Variants in NRG1 observed in about 807,000 individuals in gnomAD.
NRG1 encodes the protein pro-neuregulin-1, membrane-bound isoform.
Under a neutral mutation model 63.8 loss-of-function variants are expected in NRG1, and 18 were observed. The observed-to-expected ratio is 0.28, with a 90% CI of 0.19 to 0.42. The LOEUF (loss-of-function observed/expected upper bound fraction) is 0.42. Ranked by LOEUF, NRG1 falls within the 10% of genes least tolerant of loss-of-function variation. The pLI, the probability that NRG1 is intolerant of heterozygous loss-of-function variation, is 1.00. For missense variants in NRG1, 762 were observed against 814.7 expected (o/e 0.94, Z 0.79); for synonymous variants, 302 against 301.3 (o/e 1.00, Z -0.02).
At chr8:32,257,219 G>C (rs897748778) in intron 1 of NRG1, among the ~76,000 whole-genome samples, 1 of 152,088 alleles carries the variant, frequency 6.6e-6, no homozygotes, top group African/African-American at 2.4e-5. Context: ...AGCCTGCTGG[G>C]CTCCATGTGG....
At chr8:31,818,889 C>G (rs567267140) in intron 1 of NRG1, among the ~76,000 whole-genome samples, 1 of 152,208 alleles carries the variant, frequency 6.6e-6, no homozygotes, top group Admixed American at 6.5e-5. Context: ...AACCCTGTCT[C>G]TACTAAAAAT....
chr8:32,243,495 A>G (rs1490609749), intron 1 of NRG1, among the ~76,000 whole-genome samples: 1 of 151,856 alleles, frequency 6.6e-6, no homozygotes, highest in African/African-American at 2.4e-5. Flanking sequence ...AACTCATTTT[A>G]ACTTGATGAG....
rs112860227 is a variant in NRG1, at chr8:32,608,935, A to G, written c.400+3252A>G. Among the ~76,000 whole-genome samples, 125 of 152,304 alleles carry G rather than the reference A, an allele frequency of 8.2e-4. 1 individual carries two copies. Among genetic ancestry groups the G allele is most frequent in the African/African-American group, 2.9e-3 (121 of 41,572 alleles). Reference sequence around the variant, plus strand: ...GTTCCCCAGTGAAATTCCGCAGACCAAGAATCCTATTAGCAAAGTTGATTG... The same window carrying G: ...GTTCCCCAGTGAAATTCCGCAGACCGAGAATCCTATTAGCAAAGTTGATTG... On this transcript the variant is annotated intron_variant, in intron 3 of 11. Coordinates refer to ENST00000356819, the Ensembl canonical transcript of NRG1.
intron 1 of NRG1, among the ~76,000 whole-genome samples, chr8:31,892,263 T>C (rs118118919): frequency 0.012 from 1,770 of 152,270 alleles, 15 homozygotes; most frequent in Admixed American, 0.019. Flanking sequence ...TTAGTTGAAA[T>C]AACAATTTCA....
intron 1 of NRG1, among the ~76,000 whole-genome samples, chr8:32,307,906 C>G (rs1856396953): frequency 6.6e-6 from 1 of 152,190 alleles, no homozygotes; most frequent in Admixed American, 6.5e-5. Flanking sequence ...TGTGCAACCT[C>G]TCCGACACTG....
intron 1 of NRG1, among the ~76,000 whole-genome samples, chr8:31,992,480 T>TGC (rs1811263400): frequency 1.3e-5 from 2 of 152,038 alleles, no homozygotes; most frequent in Admixed American, 6.6e-5. Flanking sequence ...ATGTTAAAAC[T>TGC]AGGAGCCAAA....
At chr8:32,192,791 T>A (rs1228421241) in intron 1 of NRG1, among the ~76,000 whole-genome samples, 1 of 152,090 alleles carries the variant, frequency 6.6e-6, no homozygotes, top group Non-Finnish European at 1.5e-5. Context: ...TTAAAAGGCA[T>A]CTTCAAATGT....
intron 1 of NRG1, among the ~76,000 whole-genome samples, chr8:31,762,687 G>T (rs1011053269): frequency 6.6e-6 from 1 of 152,066 alleles, no homozygotes; most frequent in Non-Finnish European, 1.5e-5. Flanking sequence ...CAGTGATGAG[G>T]TCAGATAATA....
intron 6 of NRG1, among the ~76,000 whole-genome samples, chr8:32,740,006 A>G (rs189245271): frequency 7.0e-4 from 106 of 152,308 alleles, no homozygotes; most frequent in African/African-American, 2.5e-3. Flanking sequence ...GGGTTTGTCT[A>G]TATGAACTTA....
chr8:32,488,431 A>G (rs1454608265), intron 1 of NRG1, among the ~76,000 whole-genome samples: 3 of 152,168 alleles, frequency 2.0e-5, no homozygotes, highest in African/African-American at 4.8e-5. Flanking sequence ...CATTGAAAAG[A>G]GAGGCCATTA....
At chr8:31,882,626 T>C (rs187192344) in intron 1 of NRG1, among the ~76,000 whole-genome samples, 1 of 152,244 alleles carries the variant, frequency 6.6e-6, no homozygotes, top group Admixed American at 6.5e-5. Flanking sequence ...TCATTGTAGA[T>C]GCCGTTAAGA....
chr8:31,996,919 A>G (rs956581936), intron 1 of NRG1, among the ~76,000 whole-genome samples: 1 of 151,838 alleles, frequency 6.6e-6, no homozygotes, highest in African/African-American at 2.4e-5. Flanking sequence ...ATCTCTACTA[A>G]GGGGGGGTGG....
chr8:32,236,151 G>GAA (rs779017335), intron 1 of NRG1, among the ~76,000 whole-genome samples: 9 of 145,988 alleles, frequency 6.2e-5, no homozygotes, highest in African/African-American at 2.2e-4. Context: ...GTGTGTGAAT[G>GAA]TGTGTGTGTG....
intron 1 of NRG1, among the ~76,000 whole-genome samples, chr8:31,739,088 T>A (rs1814995796): frequency 6.6e-6 from 1 of 152,086 alleles, no homozygotes; most frequent in South Asian, 2.1e-4. Flanking sequence ...TGCACCAACA[T>A]AGATGCAAAG....
intron 1 of NRG1, among the ~76,000 whole-genome samples, chr8:31,849,969 T>TAATAA (rs1827056465): frequency 6.6e-6 from 1 of 152,192 alleles, no homozygotes; most frequent in Non-Finnish European, 1.5e-5. Context: ...ATAAATTTTC[T>TAATAA]AATAAAATAA....
chr8:31,814,623 C>G (rs888519063), intron 1 of NRG1, among the ~76,000 whole-genome samples: 5 of 149,368 alleles, frequency 3.3e-5, no homozygotes, highest in Non-Finnish European at 7.4e-5. Flanking sequence ...CCGTGTTTCC[C>G]CTAATAATTA....
chr8:32,268,006 T>G (rs901871176), intron 1 of NRG1, among the ~76,000 whole-genome samples: 6 of 152,170 alleles, frequency 3.9e-5, no homozygotes, highest in Middle Eastern at 3.2e-3. Context: ...TGGCCAGATA[T>G]ATGTGATTCC....
Position 31,908,722 on chromosome 8 carries a change from A to G in NRG1, c.37+269291A>G, listed in dbSNP as rs192320643. On this transcript the variant is annotated intron_variant, in intron 1 of 10. Transcript: ENST00000519301. ...TATTATATCATCAAAATATTGTATAATATCTGTGTATTACTTTTTGTATTA... is the reference window on the plus strand; with the variant it reads ...TATTATATCATCAAAATATTGTATAGTATCTGTGTATTACTTTTTGTATTA... Among the ~76,000 whole-genome samples, 735 of 151,152 alleles carry G rather than the reference A, an allele frequency of 4.9e-3. 2 individuals carry two copies. The highest frequency in any genetic ancestry group is 7.5e-3 in the Non-Finnish European group (508 of 67,344).
chr8:32,264,912 A>G (rs1275943150), intron 1 of NRG1, among the ~76,000 whole-genome samples: 1 of 152,212 alleles, frequency 6.6e-6, no homozygotes, highest in Non-Finnish European at 1.5e-5. Flanking sequence ...ATGCAAAGAA[A>G]AAGTTCAACG....
Sources: allele counts gnomAD v4.1 joint callset (sites outside exome capture counted in the v4.1 genomes callset), GRCh38; gene constraint gnomAD v4.1.1; transcripts MANE v1.5; gene names NCBI Gene and HGNC (gene_info 2026-07-23, HGNC 2026-07-21).